ATP6V1C1: variants seen among roughly 807,000 people sequenced by gnomAD.
ATP6V1C1 encodes the protein ATPase H+ transporting V1 subunit C1, also known as V-type proton ATPase subunit C 1.
ATP6V1C1 carries 45 observed loss-of-function variants against 53.9 expected under a neutral mutation model. That is an observed-to-expected ratio of 0.83 (90% CI 0.66 to 1.07). The LOEUF is 1.07. Among genes scored for constraint, ATP6V1C1 ranks in the 50% least tolerant of loss-of-function variants. The probability of loss-of-function intolerance (pLI) is 0.00; values close to 1 mark genes in which losing one functional copy is unlikely to be tolerated. For synonymous variants in ATP6V1C1, 153 were observed against 155.2 expected (o/e 0.99, Z 0.11); for missense variants, 315 against 440.3 (o/e 0.72, Z 2.55).
intron 8 of ATP6V1C1, among the ~76,000 whole-genome samples, chr8:103,057,648 T>A (rs1817313582): frequency 6.6e-6 from 1 of 152,198 alleles, no homozygotes; most frequent in South Asian, 2.1e-4. Flanking sequence ...CTGGGGTAAG[T>A]CTTTTAACTT....
rs374508511 is a variant in ATP6V1C1 at position 103,055,844 on chromosome 8, A to C, written c.573-24A>C. 2.5e-6 allele frequency: 4 copies of C among 1,598,266 alleles called. No individual in the cohort carries two copies. In the African/African-American group the frequency reaches 5.4e-5, roughly 22 times the overall value. On this transcript the variant is annotated intron_variant, in intron 7 of 12. Transcript: ENST00000518738. ...AAATAGGACTTGTTTTTCTTTTCCA[A>C]TGTGTATTGTACCTTTTCTGCAGGT... is the stretch of plus-strand genomic sequence containing the variant.
intron 1 of ATP6V1C1, among the ~76,000 whole-genome samples, chr8:103,022,985 C>G (rs138873427): frequency 4.5e-3 from 686 of 152,206 alleles, no homozygotes; most frequent in Middle Eastern, 0.01. Flanking sequence ...CCCAGTAGTT[C>G]GAGGCTGCAG....
chr8:103,047,745 A>C (rs924690465), intron 3 of ATP6V1C1, among the ~76,000 whole-genome samples: 1 of 151,990 alleles, frequency 6.6e-6, no homozygotes, highest in Non-Finnish European at 1.5e-5. Context: ...TCTTATCATG[A>C]CTCATAATAT....
rs1372321397 is a variant in ATP6V1C1, at chr8:103,032,019, CAAAA to C, written c.-39-8776_-39-8773del. Among the ~76,000 whole-genome samples the C allele has an allele frequency of 2.3e-3, 340 of 149,390 alleles. 4 individuals are homozygous for C. Among genetic ancestry groups the C allele is most frequent in the African/African-American group, 7.9e-3 (320 of 40,522 alleles). On this transcript the variant is annotated intron_variant, in intron 1 of 12. Transcript: ENST00000518738. ...TATATTGTAAAAAAAAAACAAAAAA[CAAAA>C]AACAAAAAAAACCCAAAAACTGATA...
At chr8:103,041,106 GTCT>G (rs555162725) in intron 2 of ATP6V1C1, 138 bp downstream of exon 2, 1,678 of 1,014,736 alleles carry the variant, frequency 1.7e-3, no homozygotes, top group Non-Finnish European at 2.1e-3. Flanking sequence ...TTTAAAATGT[GTCT>G]TCTTTGAAAT....
intron 5 of ATP6V1C1, among the ~76,000 whole-genome samples, 174 bp from the exon 6 acceptor site, chr8:103,052,557 G>A (rs1462607821): frequency 6.6e-6 from 1 of 151,924 alleles, no homozygotes; most frequent in Non-Finnish European, 1.5e-5. Flanking sequence ...TTAAAATGAA[G>A]TCGGCTGTTT....
At chr8:103,023,403 T>TA (rs749156691) in intron 1 of ATP6V1C1, among the ~76,000 whole-genome samples, 1 of 151,630 alleles carries the variant, frequency 6.6e-6, no homozygotes, top group African/African-American at 2.4e-5. Context: ...AGATACCTTC[T>TA]CTCTCCACTG....
At chr8:103,035,447 C>G (rs546828040) in intron 1 of ATP6V1C1, among the ~76,000 whole-genome samples, 23 of 152,238 alleles carry the variant, frequency 1.5e-4, no homozygotes, top group African/African-American at 5.1e-4. Flanking sequence ...TCTAGCTCTT[C>G]AGGATTTCTC....
At chr8:103,067,844 C>T (rs1461753964) in intron 12 of ATP6V1C1, among the ~76,000 whole-genome samples, 1 of 152,128 alleles carries the variant, frequency 6.6e-6, no homozygotes, top group African/African-American at 2.4e-5. Context: ...CTCGGCCTCC[C>T]AAAGTGCTAA....
In ATP6V1C1 at chr8:103,042,348, G is replaced by T. The variant is rs1424437697; in HGVS notation, c.141G>T (p.Thr47=). The T allele has an allele frequency of 1.2e-6, 2 of 1,613,560 alleles. No homozygotes were observed. Among genetic ancestry groups the T allele is most frequent in the East Asian group, 4.5e-5 (2 of 44,828 alleles). The change falls in exon 3 of 13, where the codon ACG becomes ACT. Residue 47 remains threonine, a synonymous_variant. Coordinates refer to ENST00000518738, the MANE Select transcript of ATP6V1C1 (RefSeq NM_001695.5). ...ATATATTTTCCTTTTAGGTTGGCAC[G>T]TTGGATGTCTTGGTTGGCTTGTCAG... ...KFNIPDLKVG[T]LDVLVGLSDE...
intron 1 of ATP6V1C1, among the ~76,000 whole-genome samples, chr8:103,028,474 C>T (rs902962890): frequency 6.6e-6 from 1 of 152,148 alleles, no homozygotes; most frequent in African/African-American, 2.4e-5. Flanking sequence ...TTTCTTGTAA[C>T]ATTAAATATA....
intron 1 of ATP6V1C1, among the ~76,000 whole-genome samples, chr8:103,037,651 G>A (rs1816921725): frequency 2.0e-5 from 3 of 152,058 alleles, no homozygotes; most frequent in African/African-American, 7.2e-5. Context: ...AATTTGCCAT[G>A]CAATGTTATG....
At chr8:103,042,284 T>A (rs943270325) in intron 2 of ATP6V1C1, 56 bp from the exon 3 acceptor site, 18 of 1,494,356 alleles carry the variant, frequency 1.2e-5, no homozygotes, top group Non-Finnish European at 1.6e-5. Flanking sequence ...TGAATCATCT[T>A]GTTTTTTTTT....
chr8:103,024,711 T>G (rs1278707042), intron 1 of ATP6V1C1, among the ~76,000 whole-genome samples: 2 of 152,236 alleles, frequency 1.3e-5, no homozygotes, highest in Non-Finnish European at 2.9e-5. Flanking sequence ...AACATTAGCA[T>G]AGTGCCCTTG....
chr8:103,035,500 T>A (rs1297706908), intron 1 of ATP6V1C1, among the ~76,000 whole-genome samples: 1 of 152,096 alleles, frequency 6.6e-6, no homozygotes, highest in Non-Finnish European at 1.5e-5. Flanking sequence ...TGAGGGAGAA[T>A]ACGATGAGTG....
intron 10 of ATP6V1C1, among the ~76,000 whole-genome samples, chr8:103,063,912 A>G (rs1240626928): frequency 1.3e-5 from 2 of 152,230 alleles, no homozygotes; most frequent in Non-Finnish European, 2.9e-5. Context: ...TATAAGCCAT[A>G]TCATCTCAAC....
chr8:103,066,217 T>TC (rs1817487265), intron 11 of ATP6V1C1, 104 bp from the exon 12 acceptor site: 7 of 1,332,894 alleles, frequency 5.3e-6, no homozygotes, highest in Admixed American at 2.7e-5. Flanking sequence ...AGATATTCTC[T>TC]CCCCGTTAAC....
rs546108794 is a variant in ATP6V1C1, at chr8:103,067,327, G to C, written c.1053+880G>C. 7.3e-5 allele frequency among the ~76,000 whole-genome samples: 11 copies of C among 150,900 alleles called. No individual in the cohort carries two copies. The South Asian group carries it at 1.3e-3, about 17-fold the overall frequency. The stretch of plus-strand genomic sequence containing the variant: ...GGCAGGAGAATCGCTTGAACCTCGG[G>C]GGGTGGTTGCAGTGAGCCAAGATTG... On this transcript the variant is annotated intron_variant, in intron 12 of 12. Transcript: ENST00000518738.
chr8:103,065,887 G>C (rs1208407995), intron 11 of ATP6V1C1, among the ~76,000 whole-genome samples: 2 of 151,796 alleles, frequency 1.3e-5, no homozygotes, highest in Admixed American at 1.3e-4. Context: ...ACTAAAAATA[G>C]AAAAATCAGC....
Sources: allele counts gnomAD v4.1 joint callset (sites outside exome capture counted in the v4.1 genomes callset), GRCh38; gene constraint gnomAD v4.1.1; transcripts MANE v1.5; gene names NCBI Gene and HGNC (gene_info 2026-07-23, HGNC 2026-07-21).